The following POF1B variants were observed in gnomAD, a reference collection of about 807,000 sequenced individuals.
POF1B encodes the protein POF1B actin binding protein.
POF1B carries 53 observed loss-of-function variants against 55.3 expected under a neutral mutation model. That is an observed-to-expected ratio of 0.96 (90% confidence interval 0.77 to 1.20). The LOEUF (loss-of-function observed/expected upper bound fraction) is 1.20, where lower values mean the gene tolerates loss of function less well. POF1B is among the 50% of genes most tolerant of loss of function. The probability of loss-of-function intolerance (pLI) is 0.00; values close to 1 mark genes in which losing one functional copy is unlikely to be tolerated. For synonymous variants in POF1B, 188 were observed against 148.3 expected, an observed-to-expected ratio of 1.27 and a Z score of -1.95; for missense variants, 478 against 420.5, an observed-to-expected ratio of 1.14 and a Z score of -1.20.
chrX:85,307,079 A>G, intron 11 of POF1B, 84 bp downstream of exon 11: 1 of 743,269 alleles, frequency 1.3e-6, no homozygotes, highest in Non-Finnish European at 2.0e-6. Flanking sequence ...TGTCTTGATT[A>G]TATCTCATAA....
chrX:85,377,333 T>C (rs1933939515), intron 2 of POF1B, among the ~76,000 whole-genome samples: 1 of 112,001 alleles, frequency 8.9e-6, no homozygotes, highest in African/African-American at 3.2e-5. Flanking sequence ...ATATTCTTTG[T>C]GACAGCTATC....
intron 6 of POF1B, 132 bp downstream of exon 6, chrX:85,345,728 C>T: frequency 1.8e-6 from 1 of 569,322 alleles, no homozygotes; most frequent in Non-Finnish European, 2.6e-6. Flanking sequence ...AAAATGCTGA[C>T]AAGGCACAAA....
At chrX:85,367,439 C>G (rs924559074) in intron 3 of POF1B, among the ~76,000 whole-genome samples, 3 of 112,135 alleles carry the variant, frequency 2.7e-5, no homozygotes, top group Non-Finnish European at 5.6e-5. Context: ...CTAAATTAAA[C>G]TGCACTCAAA....
At chrX:85,367,646 T>C (rs933037385) in intron 3 of POF1B, 46 bp downstream of exon 3, 1 of 970,471 alleles carries the variant, frequency 1.0e-6, no homozygotes, top group Non-Finnish European at 1.5e-6. Context: ...AAGACTTCCA[T>C]ATAAAAAAGA....
chrX:85,330,541 A>G (rs1224650860), intron 7 of POF1B, among the ~76,000 whole-genome samples: 1 of 111,561 alleles, frequency 9.0e-6, no homozygotes, highest in Non-Finnish European at 1.9e-5. Context: ...ATGAAAGTAC[A>G]TCACAAAGGA....
At chrX:85,307,019 C>T in intron 11 of POF1B, 144 bp downstream of exon 11, 1 of 436,565 alleles carries the variant, frequency 2.3e-6, no homozygotes, top group Non-Finnish European at 3.9e-6. Context: ...TAGAAATACC[C>T]AAAGCCACTC....
intron 7 of POF1B, among the ~76,000 whole-genome samples, chrX:85,321,980 G>A (rs1009580799): frequency 9.0e-6 from 1 of 110,634 alleles, no homozygotes; most frequent in African/African-American, 3.3e-5. Context: ...CATGTTCATG[G>A]GTAGGAAGAA....
chrX:85,323,451 G>C lies in POF1B; in HGVS notation c.854+7498C>G, dbSNP rs1414760318. On this transcript the variant is annotated intron_variant, in intron 7 of 16. Transcript: ENST00000262753. The stretch of plus-strand genomic sequence containing the variant: ...CACACTCTGGGGACTGTTGTGGGGT[G>C]GGGGGAAGGGGGAGGGATAGCATTA... 1.6e-4 allele frequency among the ~76,000 whole-genome samples: 17 copies of C among 105,773 alleles called. 1 individual carries two copies. The Admixed American group carries it at 1.6e-3, about 10-fold the overall frequency. 91.9% of individuals were successfully genotyped at this position (105,773 alleles called of 115,157 possible).
intron 15 of POF1B, among the ~76,000 whole-genome samples, chrX:85,294,565 C>T (rs12015054): frequency 0.22 from 24,102 of 111,183 alleles, 2,466 homozygotes; most frequent in African/African-American, 0.4. Flanking sequence ...AGGAATGAAG[C>T]CTACTTGAAT....
intron 16 of POF1B, among the ~76,000 whole-genome samples, chrX:85,281,089 T>G (rs903122646): frequency 9.0e-6 from 1 of 110,658 alleles, no homozygotes; most frequent in Non-Finnish European, 1.9e-5. Context: ...AGGGAATATA[T>G]AGTTGGCCCT....
intron 15 of POF1B, among the ~76,000 whole-genome samples, chrX:85,285,976 G>T (rs1360433062): frequency 4.5e-5 from 5 of 111,397 alleles, no homozygotes; most frequent in African/African-American, 1.6e-4. Flanking sequence ...AATGATACAA[G>T]ATAGAAATTT....
chrX:85,336,872 AG>A (rs1434561769), intron 6 of POF1B, among the ~76,000 whole-genome samples: 2 of 111,740 alleles, frequency 1.8e-5, no homozygotes, highest in Admixed American at 1.9e-4. Flanking sequence ...ATCTTTGCCC[AG>A]TCCAATGTCC....
chrX:85,364,684 C>A (rs1274077604), intron 3 of POF1B, among the ~76,000 whole-genome samples: 1 of 111,372 alleles, frequency 9.0e-6, no homozygotes, highest in African/African-American at 3.3e-5. Context: ...TGTCAACATT[C>A]TTTCTTTCAT....
intron 4 of POF1B, among the ~76,000 whole-genome samples, chrX:85,358,528 G>A (rs996179378): frequency 9.0e-6 from 1 of 111,275 alleles, no homozygotes; most frequent in African/African-American, 3.2e-5. Flanking sequence ...TGGAACAAAG[G>A]TATTTCCTTC....
chrX:85,353,575 C>G, intron 4 of POF1B, among the ~76,000 whole-genome samples: 1 of 111,150 alleles, frequency 9.0e-6, no homozygotes, highest in Middle Eastern at 4.7e-3. Flanking sequence ...GCAAACTACA[C>G]AGTGCATAGT....
At chrX:85,372,758 A>G (rs1380509577) in intron 2 of POF1B, among the ~76,000 whole-genome samples, 2 of 102,985 alleles carry the variant, frequency 1.9e-5, no homozygotes, top group Admixed American at 1.1e-4. Context: ...ATTTATATAT[A>G]TTATATTATA....
At chrX:85,306,424 A>C in intron 11 of POF1B, 91 bp from the exon 12 acceptor site, 5 of 937,863 alleles carry the variant, frequency 5.3e-6, no homozygotes, top group Non-Finnish European at 7.3e-6. Flanking sequence ...TGAATCAAGT[A>C]AATATTTTCC....
At chrX:85,371,363 C>T (rs1403838003) in intron 2 of POF1B, among the ~76,000 whole-genome samples, 4 of 111,904 alleles carry the variant, frequency 3.6e-5, no homozygotes, top group Non-Finnish European at 7.5e-5. Flanking sequence ...TGATGACTAA[C>T]ACCTATTAAT....
intron 15 of POF1B, among the ~76,000 whole-genome samples, chrX:85,285,635 A>G (rs1405867194): frequency 1.3e-5 from 1 of 75,075 alleles, no homozygotes; most frequent in African/African-American, 5.3e-5. Context: ...GGAAGATCAC[A>G]CACTGGGGCC....
Sources: allele counts gnomAD v4.1 joint callset (sites outside exome capture counted in the v4.1 genomes callset), GRCh38; gene constraint gnomAD v4.1.1; transcripts MANE v1.5; gene names NCBI Gene and HGNC (gene_info 2026-07-23, HGNC 2026-07-21).